The following FBXL7 variants were observed in gnomAD, a reference collection of about 807,000 sequenced individuals.
The protein encoded by FBXL7 is F-box and leucine rich repeat protein 7.
A neutral mutation model predicts 38.3 loss-of-function variants in FBXL7; 12 were observed. That is an observed-to-expected ratio of 0.31 (90% CI 0.20 to 0.51). FBXL7 has a LOEUF of 0.51. FBXL7 is among the 20% of genes least tolerant of loss of function. The pLI is 0.98. For synonymous variants in FBXL7, 297 were observed against 300.9 expected (o/e 0.99, Z 0.13); for missense variants, 567 against 676.4 (o/e 0.84, Z 1.79).
intron 2 of FBXL7, among the ~76,000 whole-genome samples, chr5:15,666,170 T>C (rs939489984): frequency 1.3e-5 from 2 of 152,180 alleles, no homozygotes; most frequent in Non-Finnish European, 2.9e-5. Context: ...TAAAATTCAC[T>C]TAATTAATCT....
intron 1 of FBXL7, among the ~76,000 whole-genome samples, chr5:15,549,058 T>TA (rs1194477905): frequency 6.6e-6 from 1 of 152,212 alleles, no homozygotes; most frequent in Non-Finnish European, 1.5e-5. Flanking sequence ...TTGTAGCGTT[T>TA]CATCTTGTAG....
At chr5:15,719,416 C>T (rs1393939329) in intron 2 of FBXL7, among the ~76,000 whole-genome samples, 1 of 122,998 alleles carries the variant, frequency 8.1e-6, no homozygotes, top group Non-Finnish European at 1.9e-5. Flanking sequence ...TTATTTGATA[C>T]AAACAAGATA....
At chr5:15,583,663 G>T (rs1406534565) in intron 1 of FBXL7, among the ~76,000 whole-genome samples, 1 of 152,180 alleles carries the variant, frequency 6.6e-6, no homozygotes, top group Non-Finnish European at 1.5e-5. Context: ...TATGCAAGGG[G>T]TGGGCTCCCA....
rs775813452 is a variant in FBXL7 at position 15,928,935 on chromosome 5, C to G, written c.739+434C>G. Among the ~76,000 whole-genome samples, 1 of 152,274 alleles carries G rather than the reference C, an allele frequency of 6.6e-6. No individual in the cohort carries two copies. The highest frequency in any genetic ancestry group is 2.4e-5 in the African/African-American group (1 of 41,548). The stretch of plus-strand genomic sequence containing the variant: ...TTTTAAATGTCTTTACTCTTCATAA[C>G]TCTCACAGTTACTTCAGAGCAACCA... On this transcript the variant is annotated intron_variant, in intron 3 of 3. Transcript: ENST00000504595. The surrounding 1 kb of genome is among the most constrained non-coding windows in gnomAD (Gnocchi z 4.0).
chr5:15,670,564 G>T (rs1462463146), intron 2 of FBXL7, among the ~76,000 whole-genome samples: 2 of 152,152 alleles, frequency 1.3e-5, no homozygotes, highest in African/African-American at 2.4e-5. Flanking sequence ...ACTTTGGGAG[G>T]ATAAGGCAGG....
intron 2 of FBXL7, among the ~76,000 whole-genome samples, chr5:15,913,799 C>G (rs1741508236): frequency 6.6e-6 from 1 of 152,186 alleles, no homozygotes; most frequent in Non-Finnish European, 1.5e-5. Context: ...CAAGAAAGAG[C>G]TGGCTCCTTT....
chr5:15,637,842 C>G (rs1161230549), intron 2 of FBXL7, among the ~76,000 whole-genome samples: 1 of 152,144 alleles, frequency 6.6e-6, no homozygotes, highest in Non-Finnish European at 1.5e-5. Context: ...CCAGCAAAAG[C>G]GATGTCATAT....
intron 2 of FBXL7, among the ~76,000 whole-genome samples, chr5:15,840,526 T>C (rs1738716754): frequency 6.6e-6 from 1 of 152,168 alleles, no homozygotes; most frequent in South Asian, 2.1e-4. Flanking sequence ...TATTGAACAT[T>C]TTCTGCCTCG....
intron 1 of FBXL7, among the ~76,000 whole-genome samples, chr5:15,540,396 C>T (rs562284433): frequency 1.3e-5 from 2 of 152,278 alleles, no homozygotes; most frequent in African/African-American, 4.8e-5. Context: ...GATTTAAAAT[C>T]TCTACAACCC....
intron 2 of FBXL7, among the ~76,000 whole-genome samples, chr5:15,736,846 A>G (rs1735771301): frequency 6.6e-6 from 1 of 152,226 alleles, no homozygotes; most frequent in Non-Finnish European, 1.5e-5. Context: ...TTTAAGTTGC[A>G]GATAATAGGG....
intron 2 of FBXL7, among the ~76,000 whole-genome samples, chr5:15,884,347 A>G (rs1740588721): frequency 1.3e-5 from 2 of 151,100 alleles, no homozygotes; most frequent in South Asian, 4.2e-4. Flanking sequence ...GCTCAATGCC[A>G]GCTCCACCTC....
chr5:15,868,540 CT>C (rs1456166198), intron 2 of FBXL7, among the ~76,000 whole-genome samples: 2 of 152,196 alleles, frequency 1.3e-5, no homozygotes, highest in Non-Finnish European at 2.9e-5. Flanking sequence ...GGAACTAAAT[CT>C]GAGTGGCCAC....
At position 15,927,874 on chromosome 5, in the gene FBXL7, C is replaced by T; in HGVS notation, c.128-16C>T. 6.6e-7 allele frequency: 1 copy of T among 1,509,700 alleles called. No homozygotes were observed. Among genetic ancestry groups the T allele is most frequent in the Non-Finnish European group, 8.9e-7 (1 of 1,128,386 alleles). The allele number at this position is 1,509,700 out of a possible 1,614,324, so 93.5% of individuals were successfully genotyped here. A position where few individuals can be genotyped will look rare whatever the true frequency, so the allele number is the denominator to read the frequency against. On this transcript the variant is annotated splice_polypyrimidine_tract_variant and intron_variant, in intron 2 of 3. Coordinates refer to ENST00000504595, the MANE Select transcript of FBXL7 (RefSeq NM_012304.5). ...GAGGCCATCATGATTAACCTTTGTT[C>T]TCTGTCCTTTGCCAGACTCCGACCT... is the stretch of plus-strand genomic sequence containing the variant.
chr5:15,544,797 G>A (rs1053315215), intron 1 of FBXL7, among the ~76,000 whole-genome samples: 1 of 152,112 alleles, frequency 6.6e-6, no homozygotes, highest in African/African-American at 2.4e-5. Context: ...GTATCCTGTT[G>A]ACTGCTCAGC....
chr5:15,783,296 C>T (rs753705858), intron 2 of FBXL7, among the ~76,000 whole-genome samples: 5 of 152,158 alleles, frequency 3.3e-5, no homozygotes, highest in East Asian at 3.9e-4. Flanking sequence ...CACTGGGCAG[C>T]TAGGAGGGGA....
chr5:15,704,936 C>T (rs1243362556), intron 2 of FBXL7, among the ~76,000 whole-genome samples: 3 of 149,642 alleles, frequency 2.0e-5, no homozygotes, highest in Non-Finnish European at 4.4e-5. Flanking sequence ...TATGCATAGA[C>T]AGTTCATTTA....
chr5:15,735,564 G>C (rs1207691693), intron 2 of FBXL7, among the ~76,000 whole-genome samples: 1 of 152,194 alleles, frequency 6.6e-6, no homozygotes, highest in African/African-American at 2.4e-5. Context: ...TGAGATTTCA[G>C]CTGGAAATTT....
chr5:15,510,005 T>G (rs1265111497), intron 1 of FBXL7, among the ~76,000 whole-genome samples: 2 of 152,220 alleles, frequency 1.3e-5, no homozygotes, highest in Non-Finnish European at 2.9e-5. Context: ...TGGTCAGCAT[T>G]TTCCCCGTTC....
intron 2 of FBXL7, among the ~76,000 whole-genome samples, chr5:15,923,254 G>T (rs557433110): frequency 6.4e-4 from 97 of 152,250 alleles, no homozygotes; most frequent in Non-Finnish European, 1.2e-3. Flanking sequence ...AAACGTAGGA[G>T]AAAAAAACTG....
Sources: allele counts gnomAD v4.1 joint callset (sites outside exome capture counted in the v4.1 genomes callset), GRCh38; gene constraint gnomAD v4.1.1; non-coding constraint Gnocchi (gnomAD v3.1); transcripts MANE v1.5; gene names NCBI Gene and HGNC (gene_info 2026-07-23, HGNC 2026-07-21).